PTK2B: variants seen among roughly 807,000 people sequenced by gnomAD.
PTK2B encodes protein-tyrosine kinase 2-beta.
PTK2B carries 71 observed loss-of-function variants against 142.9 expected under a neutral mutation model. That is an observed-to-expected ratio of 0.50 (90% confidence interval 0.41 to 0.61). The LOEUF is 0.61. PTK2B is among the 20% of genes least tolerant of loss of function. The pLI is 0.00. For synonymous variants in PTK2B, 519 were observed against 503.4 expected, an observed-to-expected ratio of 1.03 and a Z score of -0.42; for missense variants, 1,105 against 1,320.4, an observed-to-expected ratio of 0.84 and a Z score of 2.53.
At chr8:27,339,254 A>G (rs576253691) in intron 1 of PTK2B, among the ~76,000 whole-genome samples, 5 of 152,188 alleles carry the variant, frequency 3.3e-5, no homozygotes, top group African/African-American at 1.2e-4. Flanking sequence ...GATAACAAGG[A>G]TTTTCTTGGG....
At chr8:27,319,604 A>G (rs1307825565) in intron 3 of PTK2B, among the ~76,000 whole-genome samples, 2 of 139,362 alleles carry the variant, frequency 1.4e-5, no homozygotes, top group Non-Finnish European at 3.0e-5. Flanking sequence ...AGATTGCACC[A>G]CTGCCCTCTA....
rs751334615 is a variant in PTK2B, at chr8:27,453,160, G to A, written c.2595G>A (p.Gln865=). ...AGAAGCCCCCGAGGCTGGGCGCACAGGTATGTGTTGGCTCTGCTGAAACTG... is the reference window on the plus strand; with the variant it reads ...AGAAGCCCCCGAGGCTGGGCGCACAAGTATGTGTTGGCTCTGCTGAAACTG... ...PPQKPPRLGA[Q]SIQPTANLDR... is the part of the protein sequence containing the mutation. The change falls in exon 28 of 31, where the codon CAG becomes CAA. Residue 865 remains glutamine (Q), a splice_region_variant and synonymous_variant. Coordinates refer to ENST00000346049, the MANE Select transcript of PTK2B (RefSeq NM_173176.3). 1.2e-6 allele frequency: 2 copies of A among 1,614,202 alleles called. No individual in the cohort carries two copies. The highest frequency in any genetic ancestry group is 1.1e-5 in the South Asian group (1 of 91,080).
At chr8:27,433,608 C>G in intron 11 of PTK2B, 56 bp downstream of exon 11, 1 of 1,437,966 alleles carries the variant, frequency 7.0e-7, no homozygotes, top group Non-Finnish European at 9.8e-7. Flanking sequence ...ACACCCGAGT[C>G]CCCAGAGGCG....
chr8:27,390,393 G>A (rs979374037), intron 1 of PTK2B, among the ~76,000 whole-genome samples: 2 of 152,174 alleles, frequency 1.3e-5, no homozygotes, highest in East Asian at 3.9e-4. Flanking sequence ...CCAGCACTTT[G>A]GGAGGTTGAG....
intron 15 of PTK2B, 39 bp from the exon 16 acceptor site, chr8:27,437,083 G>A: frequency 6.3e-7 from 1 of 1,583,234 alleles, no homozygotes; most frequent in Non-Finnish European, 8.7e-7. Context: ...GCTGAGCACT[G>A]GGCTGGACCA....
chr8:27,440,447 C>T lies in PTK2B; in HGVS notation c.2039+6C>T, dbSNP rs774005585. On this transcript the variant is annotated splice_donor_region_variant and intron_variant, in intron 21 of 30. Coordinates refer to ENST00000346049, the MANE Select transcript of PTK2B (RefSeq NM_173176.3). ...GAGCTGGTGTGCAGCCTCAGGTGAG[C>T]ATGGAGTGTGGGCTGTGGGCTGGGG... 1.9e-6 allele frequency: 3 copies of T among 1,612,938 alleles called. No homozygotes were observed. The highest frequency in any genetic ancestry group is 2.5e-6 in the Non-Finnish European group (3 of 1,179,862).
intron 1 of PTK2B, among the ~76,000 whole-genome samples, chr8:27,333,285 G>A (rs1407507504): frequency 6.6e-6 from 1 of 152,204 alleles, no homozygotes; most frequent in African/African-American, 2.4e-5. Context: ...TGGACAGGGA[G>A]GCCAATGTGT....
At chr8:27,344,672 C>G (rs1423260785) in intron 1 of PTK2B, among the ~76,000 whole-genome samples, 2 of 152,142 alleles carry the variant, frequency 1.3e-5, no homozygotes. Context: ...ACTTCAGCCC[C>G]TCAGCCTGGG....
chr8:27,432,128 G>A (rs1329476819), intron 9 of PTK2B, 132 bp from the exon 10 acceptor site: 1 of 739,920 alleles, frequency 1.4e-6, no homozygotes, highest in Non-Finnish European at 2.3e-6. Flanking sequence ...AGCCTTAATA[G>A]TGTTTGATTC....
chr8:27,330,483 C>G (rs774883586), intron 1 of PTK2B, among the ~76,000 whole-genome samples: 1 of 152,144 alleles, frequency 6.6e-6, no homozygotes, highest in South Asian at 2.1e-4. Flanking sequence ...CTTTAGACAG[C>G]GAAGAGACTG....
Position 27,337,591 on chromosome 8 carries a change from A to G in PTK2B, c.-38+11910A>G, listed in dbSNP as rs572906441. ...GATCTGCCTTTTCTGGTCATTCCAT[A>G]TAAGTGGAATTGTACAACACTGTGG... On this transcript the variant is annotated intron_variant, in intron 1 of 30. Coordinates refer to ENST00000346049, the MANE Select transcript of PTK2B (RefSeq NM_173176.3). Among the ~76,000 whole-genome samples the G allele has an allele frequency of 3.1e-4, 47 of 152,352 alleles. 1 individual carries two copies. In the South Asian group the frequency reaches 9.1e-3, roughly 30 times the overall value.
intron 1 of PTK2B, among the ~76,000 whole-genome samples, chr8:27,334,692 C>T (rs1199401867): frequency 6.6e-6 from 1 of 152,214 alleles, no homozygotes; most frequent in Non-Finnish European, 1.5e-5. Flanking sequence ...CCTCCCTGCA[C>T]ACTCATGCCT....
intron 1 of PTK2B, among the ~76,000 whole-genome samples, chr8:27,372,491 C>A (rs1464451261): frequency 6.6e-6 from 1 of 152,124 alleles, no homozygotes; most frequent in East Asian, 1.9e-4. Flanking sequence ...CTATTTAGGC[C>A]TTTAACTGAT....
chr8:27,421,114 G>A (rs569116436), intron 4 of PTK2B, among the ~76,000 whole-genome samples: 23 of 152,206 alleles, frequency 1.5e-4, no homozygotes, highest in Non-Finnish European at 8.8e-5. Context: ...CTGATAGCCT[G>A]GGGGACCTCA....
At chr8:27,338,134 T>C (rs1804187420) in intron 1 of PTK2B, among the ~76,000 whole-genome samples, 1 of 152,228 alleles carries the variant, frequency 6.6e-6, no homozygotes, top group Admixed American at 6.5e-5. Context: ...GAACATCTTT[T>C]CATGTTCTTG....
At chr8:27,372,982 G>A (rs1327624903) in intron 1 of PTK2B, among the ~76,000 whole-genome samples, 4 of 151,996 alleles carry the variant, frequency 2.6e-5, no homozygotes, top group African/African-American at 9.7e-5. Context: ...ACTAGAAGTG[G>A]CCACATAGAG....
intron 22 of PTK2B, 90 bp downstream of exon 22, chr8:27,443,073 A>G (rs761017520): frequency 6.2e-6 from 5 of 805,504 alleles, no homozygotes; most frequent in Non-Finnish European, 1.0e-5. Context: ...CACAGGCAGG[A>G]TGCCCCCTAC....
intron 23 of PTK2B, 130 bp from the exon 24 acceptor site, chr8:27,445,664 A>G: frequency 7.5e-7 from 1 of 1,336,538 alleles, no homozygotes; most frequent in Non-Finnish European, 1.0e-6. Context: ...TTCTTTATTA[A>G]CTCCTGGAGA....
At chr8:27,411,512 T>C (rs1809062428) in intron 2 of PTK2B, among the ~76,000 whole-genome samples, 1 of 152,142 alleles carries the variant, frequency 6.6e-6, no homozygotes, top group Non-Finnish European at 1.5e-5. Flanking sequence ...CAGTTGCTGA[T>C]GGTTTGAATG....
Sources: gnomAD v4.1 joint callset for allele counts (sites outside exome capture counted in the v4.1 genomes callset) on GRCh38, gnomAD v4.1.1 for gene constraint, MANE v1.5 for transcripts, NCBI Gene and HGNC (gene_info 2026-07-23, HGNC 2026-07-21) for gene names.